LAMA2: variants seen among roughly 807,000 people sequenced by gnomAD.
LAMA2 encodes laminin subunit alpha 2.
A neutral mutation model predicts 364.8 loss-of-function variants in LAMA2; 269 were observed. That is an observed-to-expected ratio of 0.74 (90% confidence interval 0.67 to 0.82). The LOEUF (loss-of-function observed/expected upper bound fraction) is 0.82. Among genes scored for constraint, LAMA2 ranks in the 40% least tolerant of loss-of-function variants. The pLI, the probability that LAMA2 is intolerant of heterozygous loss-of-function variation, is 0.00. For synonymous variants in LAMA2, 1,379 were observed against 1,370.6 expected, an observed-to-expected ratio of 1.01 and a Z score of -0.14; for missense variants, 3,807 against 3,873.2, an observed-to-expected ratio of 0.98 and a Z score of 0.45.
intron 3 of LAMA2, among the ~76,000 whole-genome samples, chr6:129,093,845 C>T (rs1775000296): frequency 6.6e-6 from 1 of 152,150 alleles, no homozygotes. Context: ...AAGTGCCCTT[C>T]AACAGAAAAG....
At chr6:129,315,694 A>G (rs1583476637) in intron 25 of LAMA2, 39 bp downstream of exon 25, 1 of 1,611,568 alleles carries the variant, frequency 6.2e-7, no homozygotes, top group Non-Finnish European at 8.5e-7. Context: ...AGAACAAGAT[A>G]AAATCTTTTT....
chr6:129,052,622 C>A (rs1257858078), intron 2 of LAMA2, among the ~76,000 whole-genome samples: 1 of 152,120 alleles, frequency 6.6e-6, no homozygotes, highest in Non-Finnish European at 1.5e-5. Context: ...CATGAACCTA[C>A]ATTGACAACA....
intron 22 of LAMA2, among the ~76,000 whole-genome samples, chr6:129,308,186 T>C (rs1040145191): frequency 6.6e-6 from 1 of 152,214 alleles, no homozygotes; most frequent in Non-Finnish European, 1.5e-5. Flanking sequence ...AAGTTTAAAA[T>C]GCAAGAGAGC....
intron 12 of LAMA2, among the ~76,000 whole-genome samples, chr6:129,239,649 G>T (rs765712338): frequency 6.6e-6 from 1 of 152,094 alleles, no homozygotes; most frequent in Non-Finnish European, 1.5e-5. Context: ...ACCCTACAAA[G>T]CAGCACATTC....
In LAMA2 at chr6:129,429,973, A is replaced by C. The variant is rs11963260; in HGVS notation, c.5968+2119A>C. 6.1e-3 allele frequency among the ~76,000 whole-genome samples: 924 copies of C among 152,102 alleles called. 8 individuals are homozygous for C. The highest frequency in any genetic ancestry group is 0.02 in the African/African-American group (825 of 41,476). On this transcript the variant is annotated intron_variant, in intron 41 of 64. Transcript: ENST00000421865. ...CAGAAATGTTCATTAGTTTAAATTTATTTTTTTTGTAGTTCAGGTAGTACA... is the reference window on the plus strand; with the variant it reads ...CAGAAATGTTCATTAGTTTAAATTTCTTTTTTTTGTAGTTCAGGTAGTACA...
chr6:128,912,674 T>C (rs1778048945), intron 1 of LAMA2, among the ~76,000 whole-genome samples: 1 of 152,210 alleles, frequency 6.6e-6, no homozygotes, highest in Non-Finnish European at 1.5e-5. Flanking sequence ...AGCAAGACGA[T>C]TTTTTAACCT....
chr6:129,360,255 C>T (rs530809010), intron 32 of LAMA2, among the ~76,000 whole-genome samples: 2 of 152,186 alleles, frequency 1.3e-5, no homozygotes, highest in East Asian at 3.9e-4. Context: ...TGTGAATATT[C>T]CATGTCTCTA....
chr6:129,186,032 G>A (rs892578926), intron 10 of LAMA2, among the ~76,000 whole-genome samples: 5 of 151,388 alleles, frequency 3.3e-5, no homozygotes, highest in African/African-American at 9.7e-5. Flanking sequence ...AATCACTAAT[G>A]GACTCTATAC....
At chr6:129,061,363 G>A (rs1324866854) in intron 3 of LAMA2, among the ~76,000 whole-genome samples, 3 of 151,924 alleles carry the variant, frequency 2.0e-5, no homozygotes. Context: ...AGAACAATGG[G>A]GTCAATTATT....
chr6:129,445,048 G>A (rs1782299618), intron 44 of LAMA2, among the ~76,000 whole-genome samples: 1 of 151,926 alleles, frequency 6.6e-6, no homozygotes, highest in Non-Finnish European at 1.5e-5. Flanking sequence ...GTTTAATATA[G>A]GTCAACCTAA....
intron 58 of LAMA2, among the ~76,000 whole-genome samples, chr6:129,501,502 G>A (rs1368462179): frequency 6.6e-6 from 1 of 152,206 alleles, no homozygotes; most frequent in African/African-American, 2.4e-5. Context: ...CAAGAGAAAA[G>A]AGAACAAGGC....
At chr6:129,398,506 G>A (rs554212495) in intron 37 of LAMA2, among the ~76,000 whole-genome samples, 12 of 114,108 alleles carry the variant, frequency 1.1e-4, no homozygotes, top group Admixed American at 4.8e-4. Context: ...ACAGAGTTTC[G>A]CTCTTGTCAC....
At chr6:128,909,215 T>C (rs1475065865) in intron 1 of LAMA2, among the ~76,000 whole-genome samples, 1 of 152,182 alleles carries the variant, frequency 6.6e-6, no homozygotes, top group Non-Finnish European at 1.5e-5. Context: ...CTCGTTGATC[T>C]GTCTAGTGTT....
chr6:129,152,106 A>G (rs1583144313), intron 7 of LAMA2, among the ~76,000 whole-genome samples: 1 of 152,350 alleles, frequency 6.6e-6, no homozygotes, highest in Non-Finnish European at 1.5e-5. Context: ...ACATATCAAT[A>G]AGAAAAAAGT....
chr6:129,215,375 T>C (rs1783360514), intron 12 of LAMA2, among the ~76,000 whole-genome samples: 1 of 152,198 alleles, frequency 6.6e-6, no homozygotes, highest in Non-Finnish European at 1.5e-5. Flanking sequence ...ATTCTAATCC[T>C]ATATCAAAGC....
At chr6:129,048,710 G>A (rs941003370) in intron 1 of LAMA2, among the ~76,000 whole-genome samples, 4 of 151,206 alleles carry the variant, frequency 2.6e-5, no homozygotes, top group Non-Finnish European at 5.9e-5. Flanking sequence ...CACCTCCCGG[G>A]CTCAAGCAAT....
At chr6:129,044,755 G>T (rs1787355895) in intron 1 of LAMA2, among the ~76,000 whole-genome samples, 1 of 152,026 alleles carries the variant, frequency 6.6e-6, no homozygotes, top group African/African-American at 2.4e-5. Flanking sequence ...TAGTTGTATG[G>T]ATAATGATCA....
rs765834619 is a variant in LAMA2, at chr6:129,464,309, G to A, written c.7012G>A (p.Glu2338Lys). The A allele has an allele frequency of 6.2e-7, 1 of 1,612,108 alleles. No individual in the cohort carries two copies. The highest frequency in any genetic ancestry group is 1.1e-5 in the South Asian group (1 of 91,064). The change falls in exon 50 of 65, where the codon GAG becomes AAG. Residue 2338 changes from glutamate to lysine, a missense_variant. By Grantham distance (56) the Glu-to-Lys change is moderately conservative. Transcript: ENST00000421865. ...CTVSPQVEDS[E>K]GTIQFDGEGY... is the part of the protein sequence containing the mutation. ...TCTCAGTCCTCAGGTGGAAGATAGT[G>A]AGGGGACTATTCAATTTGATGGAGA...
chr6:129,329,968 T>C (rs1775533692), intron 29 of LAMA2, among the ~76,000 whole-genome samples: 2 of 152,052 alleles, frequency 1.3e-5, no homozygotes, highest in African/African-American at 2.4e-5. Flanking sequence ...TAGATTCTCA[T>C]AGGAGCACAA....
Sources: allele counts gnomAD v4.1 joint callset (sites outside exome capture counted in the v4.1 genomes callset), GRCh38; gene constraint gnomAD v4.1.1; transcripts MANE v1.5; gene names NCBI Gene and HGNC (gene_info 2026-07-23, HGNC 2026-07-21).